Variants in KLHL29 observed in about 807,000 individuals in gnomAD.
KLHL29 encodes kelch-like protein 29.
A neutral mutation model predicts 80.4 loss-of-function variants in KLHL29; 21 were observed. The observed-to-expected ratio is 0.26, with a 90% CI of 0.19 to 0.38. The LOEUF (loss-of-function observed/expected upper bound fraction) is 0.38, where lower values mean the gene tolerates loss of function less well. KLHL29 is among the 10% of genes least tolerant of loss of function. The pLI is 1.00. For missense variants in KLHL29, 867 were observed against 1,223.9 expected (o/e 0.71, Z 4.35); for synonymous variants, 511 against 526.8 (o/e 0.97, Z 0.41).
chr2:23,420,011 C>T (rs1451045694), intron 1 of KLHL29, among the ~76,000 whole-genome samples: 2 of 152,300 alleles, frequency 1.3e-5, no homozygotes, highest in Non-Finnish European at 1.5e-5. Flanking sequence ...TGCTTTCACT[C>T]GTGGAATGCC....
At chr2:23,577,470 T>C (rs1198835096) in intron 3 of KLHL29, among the ~76,000 whole-genome samples, 1 of 147,364 alleles carries the variant, frequency 6.8e-6, no homozygotes, top group Non-Finnish European at 1.5e-5. Flanking sequence ...GGTGGGGCCA[T>C]GCGCGGTGGC....
At chr2:23,595,563 G>A (rs1340575071) in intron 3 of KLHL29, among the ~76,000 whole-genome samples, 1 of 152,238 alleles carries the variant, frequency 6.6e-6, no homozygotes, top group Admixed American at 6.5e-5. Flanking sequence ...AAGGATGAGA[G>A]ATGGACGCAG....
At chr2:23,391,918 G>T (rs1306713605) in intron 1 of KLHL29, among the ~76,000 whole-genome samples, 1 of 152,178 alleles carries the variant, frequency 6.6e-6, no homozygotes, top group South Asian at 2.1e-4. Context: ...TTTCCTTGGG[G>T]GCTTGTCCTA....
chr2:23,673,786 A>C (rs1357725826), intron 5 of KLHL29, among the ~76,000 whole-genome samples: 2 of 151,972 alleles, frequency 1.3e-5, no homozygotes, highest in Non-Finnish European at 2.9e-5. Context: ...TCACATACAC[A>C]TACATTAGCA....
At chr2:23,594,128 G>C (rs1668336497) in intron 3 of KLHL29, among the ~76,000 whole-genome samples, 2 of 152,222 alleles carry the variant, frequency 1.3e-5, no homozygotes. Context: ...GGGTGTCGAG[G>C]AGTTGATTAT....
intron 2 of KLHL29, among the ~76,000 whole-genome samples, chr2:23,497,074 A>G (rs984849953): frequency 6.6e-6 from 1 of 151,816 alleles, no homozygotes; most frequent in South Asian, 2.1e-4. Context: ...AAAAAAAAAA[A>G]CTATGAGCCC....
intron 3 of KLHL29, among the ~76,000 whole-genome samples, chr2:23,588,611 T>G (rs1261856255): frequency 1.3e-5 from 2 of 152,248 alleles, no homozygotes; most frequent in Admixed American, 1.3e-4. Flanking sequence ...AACAGGCAGA[T>G]TCCCAGACAT....
chr2:23,542,544 C>T (rs1408599929), intron 2 of KLHL29, among the ~76,000 whole-genome samples: 1 of 152,234 alleles, frequency 6.6e-6, no homozygotes, highest in African/African-American at 2.4e-5. Flanking sequence ...CTCCTACTTT[C>T]TGGAGTTGAC....
chr2:23,531,684 G>A (rs112755846), intron 2 of KLHL29, among the ~76,000 whole-genome samples: 1,986 of 152,244 alleles, frequency 0.013, 38 homozygotes, highest in African/African-American at 0.045. Flanking sequence ...TACCCAAGAC[G>A]CTCTTCACAA....
intron 3 of KLHL29, among the ~76,000 whole-genome samples, chr2:23,593,630 C>T (rs978487301): frequency 6.6e-6 from 1 of 152,164 alleles, no homozygotes; most frequent in South Asian, 2.1e-4. Context: ...TCAGACCCCT[C>T]GGGGAACGTG....
chr2:23,419,700 T>A (rs1662729242), intron 1 of KLHL29, among the ~76,000 whole-genome samples: 1 of 152,168 alleles, frequency 6.6e-6, no homozygotes, highest in South Asian at 2.1e-4. Context: ...AGTCTGGCAT[T>A]GGGCTCAGTG....
At chr2:23,506,808 A>T (rs1665612260) in intron 2 of KLHL29, among the ~76,000 whole-genome samples, 1 of 152,152 alleles carries the variant, frequency 6.6e-6, no homozygotes, top group African/African-American at 2.4e-5. Context: ...TGCAAACCTG[A>T]ACAGCCTGAC....
At chr2:23,648,483 A>G (rs906410685) in intron 5 of KLHL29, among the ~76,000 whole-genome samples, 8 of 152,048 alleles carry the variant, frequency 5.3e-5, no homozygotes, top group Non-Finnish European at 1.2e-4. Flanking sequence ...TCCACCGTGA[A>G]CAGAAGAAAA....
chr2:23,698,581 T>C (rs1672142361), intron 11 of KLHL29, among the ~76,000 whole-genome samples: 2 of 152,036 alleles, frequency 1.3e-5, no homozygotes, highest in Non-Finnish European at 2.9e-5. Flanking sequence ...TATATTACAT[T>C]ATGGTATTAC....
chr2:23,634,484 T>C (rs1242641730), intron 3 of KLHL29, among the ~76,000 whole-genome samples: 3 of 152,150 alleles, frequency 2.0e-5, no homozygotes, highest in African/African-American at 7.2e-5. Context: ...TCTGGAAGCT[T>C]CTTCTCGAGG....
Position 23,701,804 on chromosome 2 carries a change from T to C in KLHL29, c.2106-1382T>C, listed in dbSNP as rs1012276490. ...ATGGCTTTTTTTTGCTTTTTTTTTT[T>C]TTTTTTTTTTTTTTTCAGACGGAGT... On this transcript the variant is annotated intron_variant, in intron 11 of 13. Coordinates refer to ENST00000486442, the MANE Select transcript of KLHL29 (RefSeq NM_052920.2). Among the ~76,000 whole-genome samples the C allele has an allele frequency of 6.6e-4, 93 of 141,464 alleles. 2 individuals are homozygous for C. The highest frequency in any genetic ancestry group is 3.0e-3 in the Admixed American group (43 of 14,122). 92.8% of individuals were successfully genotyped at this position (141,464 alleles called of 152,430 possible).
At position 23,662,199 on chromosome 2, in the gene KLHL29, A is replaced by T. The variant is rs116839611; in HGVS notation, c.940+19349A>T. ...AAGTAATGCTGAAAAATTTTGACTT[A>T]CAGTGATCAGCTTCAATGGTCTTAA... On this transcript the variant is annotated intron_variant, in intron 5 of 13. Coordinates refer to ENST00000486442, the MANE Select transcript of KLHL29 (RefSeq NM_052920.2). Among the ~76,000 whole-genome samples, 404 of 152,288 alleles carry T rather than the reference A, an allele frequency of 2.7e-3. 4 individuals carry two copies. Among genetic ancestry groups the T allele is most frequent in the African/African-American group, 9.3e-3 (385 of 41,550 alleles).
At position 23,589,453 on chromosome 2, in the gene KLHL29, G is replaced by A. The variant is rs542302969; in HGVS notation, c.285+26972G>A. ...CTTGGAGCTGTGGCCTTGGGGACCA[G>A]GGTTATCCCGGAATCCCGCCACCCA... On this transcript the variant is annotated intron_variant, in intron 3 of 13. Transcript: ENST00000486442. Among the ~76,000 whole-genome samples, 227 of 152,374 alleles carry A rather than the reference G, an allele frequency of 1.5e-3. 1 individual carries two copies. The highest frequency in any genetic ancestry group is 5.1e-3 in the African/African-American group (211 of 41,592).
chr2:23,506,072 C>A (rs1665590252), intron 2 of KLHL29, among the ~76,000 whole-genome samples: 1 of 152,218 alleles, frequency 6.6e-6, no homozygotes, highest in African/African-American at 2.4e-5. Context: ...TCTGCAGCAA[C>A]AGGAGCACTC....
Sources: allele counts gnomAD v4.1 joint callset (sites outside exome capture counted in the v4.1 genomes callset), GRCh38; gene constraint gnomAD v4.1.1; transcripts MANE v1.5; gene names NCBI Gene and HGNC (gene_info 2026-07-23, HGNC 2026-07-21).